PAG1: variants seen among roughly 807,000 people sequenced by gnomAD.
PAG1 encodes the protein phosphoprotein membrane anchor with glycosphingolipid microdomains 1.
Under a neutral mutation model 31.7 loss-of-function variants are expected in PAG1, and 23 were observed. The observed-to-expected ratio is 0.73, with a 90% confidence interval of 0.52 to 1.03. The LOEUF (loss-of-function observed/expected upper bound fraction) is 1.03. PAG1 is among the 50% of genes least tolerant of loss of function. The pLI, the probability that PAG1 is intolerant of heterozygous loss-of-function variation, is 0.00. For synonymous variants in PAG1, 214 were observed against 210.3 expected (o/e 1.02, Z -0.15); for missense variants, 473 against 540.7 (o/e 0.87, Z 1.24).
intron 1 of PAG1, among the ~76,000 whole-genome samples, chr8:81,108,544 A>T (rs1809728228): frequency 1.1e-5 from 1 of 94,578 alleles, no homozygotes; most frequent in Admixed American, 9.8e-5. Context: ...GATTTAAATT[A>T]AATCAGACTG....
chr8:81,053,934 G>A (rs1808773176), intron 2 of PAG1, among the ~76,000 whole-genome samples: 1 of 152,178 alleles, frequency 6.6e-6, no homozygotes, highest in Non-Finnish European at 1.5e-5. Flanking sequence ...GGCTTTGCAG[G>A]CCATAGGATC....
chr8:81,078,192 G>A (rs1014031098), intron 1 of PAG1, among the ~76,000 whole-genome samples: 4 of 152,108 alleles, frequency 2.6e-5, no homozygotes, highest in African/African-American at 9.7e-5. Flanking sequence ...GGTTAAGTGG[G>A]CTTAAATTTT....
At chr8:81,110,400 GT>G (rs1375466567) in intron 1 of PAG1, among the ~76,000 whole-genome samples, 1 of 152,142 alleles carries the variant, frequency 6.6e-6, no homozygotes, top group Non-Finnish European at 1.5e-5. Context: ...CCTTTTACAA[GT>G]TTAACCAACT....
intron 1 of PAG1, among the ~76,000 whole-genome samples, chr8:81,075,429 A>G (rs961959346): frequency 1.3e-5 from 2 of 152,370 alleles, no homozygotes; most frequent in South Asian, 4.1e-4. Context: ...GAACCCAGAC[A>G]CTACCTCCTG....
chr8:80,986,886 A>G (rs895620185), intron 6 of PAG1, among the ~76,000 whole-genome samples: 2 of 152,132 alleles, frequency 1.3e-5, no homozygotes, highest in African/African-American at 4.8e-5. Flanking sequence ...GAAGGACCAC[A>G]GGCCTACGGA....
At chr8:81,086,004 C>T (rs1428161215) in intron 1 of PAG1, among the ~76,000 whole-genome samples, 5 of 63,972 alleles carry the variant, frequency 7.8e-5, no homozygotes, top group East Asian at 6.1e-4. Context: ...TTTTTTGAGA[C>T]GGAGTCTCGC....
At chr8:80,983,799 T>C (rs1264548457) in intron 7 of PAG1, among the ~76,000 whole-genome samples, 3 of 152,208 alleles carry the variant, frequency 2.0e-5, no homozygotes, top group Non-Finnish European at 4.4e-5. Context: ...GGGCAAAAAA[T>C]TGGACTGCAT....
intron 1 of PAG1, among the ~76,000 whole-genome samples, chr8:81,086,512 C>CGT (rs146900369): frequency 7.3e-5 from 11 of 150,026 alleles, no homozygotes; most frequent in East Asian, 5.9e-4. Context: ...TGTGCGCGCG[C>CGT]GTGTGTGTGT....
chr8:81,099,519 T>G (rs1447984265), intron 1 of PAG1, among the ~76,000 whole-genome samples: 1 of 152,156 alleles, frequency 6.6e-6, no homozygotes, highest in Admixed American at 6.6e-5. Flanking sequence ...CTGTAGCATG[T>G]GTATGGTACA....
intron 3 of PAG1, among the ~76,000 whole-genome samples, chr8:81,027,812 G>A (rs1469247064): frequency 2.0e-5 from 3 of 151,370 alleles, no homozygotes; most frequent in African/African-American, 7.3e-5. Flanking sequence ...GGCTGAGGCA[G>A]GAGAATGGCG....
chr8:81,104,607 A>G (rs1382622783), intron 1 of PAG1, among the ~76,000 whole-genome samples: 2 of 152,012 alleles, frequency 1.3e-5, no homozygotes, highest in Non-Finnish European at 2.9e-5. Context: ...TTCTCCTGCA[A>G]ACTGCTCCAT....
intron 2 of PAG1, among the ~76,000 whole-genome samples, chr8:81,052,164 A>G (rs1008847182): frequency 6.6e-6 from 1 of 151,920 alleles, no homozygotes; most frequent in Non-Finnish European, 1.5e-5. Flanking sequence ...ACTATTAAAT[A>G]TTTTTATATC....
chr8:81,075,826 T>C (rs1809167994), intron 1 of PAG1, among the ~76,000 whole-genome samples: 1 of 152,198 alleles, frequency 6.6e-6, no homozygotes, highest in Admixed American at 6.5e-5. Context: ...AGCATACACA[T>C]AGTCACTACT....
chr8:81,066,935 A>C (rs1359936607), intron 2 of PAG1, among the ~76,000 whole-genome samples: 1 of 152,112 alleles, frequency 6.6e-6, no homozygotes, highest in Non-Finnish European at 1.5e-5. Flanking sequence ...CCAAAGTGGG[A>C]GGCTCGCTTG....
At chr8:81,051,139 G>C (rs1205517289) in intron 2 of PAG1, among the ~76,000 whole-genome samples, 1 of 152,190 alleles carries the variant, frequency 6.6e-6, no homozygotes, top group Non-Finnish European at 1.5e-5. Flanking sequence ...TGCTGGGCTG[G>C]ATGACGTGAT....
intron 4 of PAG1, 83 bp downstream of exon 4, chr8:80,993,020 C>T (rs1807585305): frequency 1.6e-6 from 2 of 1,284,070 alleles, no homozygotes; most frequent in East Asian, 5.1e-5. Context: ...GGATTCCATT[C>T]CTAACAGGCT....
intron 3 of PAG1, among the ~76,000 whole-genome samples, chr8:81,023,906 G>A (rs1480649015): frequency 1.3e-5 from 2 of 152,150 alleles, no homozygotes; most frequent in Non-Finnish European, 2.9e-5. Flanking sequence ...CCAGATGACT[G>A]CAAATGATAA....
chr8:81,074,958 T>C (rs367572292), intron 1 of PAG1, among the ~76,000 whole-genome samples: 6 of 152,196 alleles, frequency 3.9e-5, no homozygotes, highest in African/African-American at 1.4e-4. Context: ...AGTCTTATGA[T>C]ATGGTTAGCA....
intron 3 of PAG1, among the ~76,000 whole-genome samples, chr8:81,022,376 C>T (rs1808205210): frequency 6.6e-6 from 1 of 152,112 alleles, no homozygotes; most frequent in South Asian, 2.1e-4. Context: ...TTTATTAAAT[C>T]ATAGTTAGTC....
Sources: gnomAD v4.1 joint callset for allele counts (sites outside exome capture counted in the v4.1 genomes callset) on GRCh38, gnomAD v4.1.1 for gene constraint, MANE v1.5 for transcripts, NCBI Gene and HGNC (gene_info 2026-07-23, HGNC 2026-07-21) for gene names.